The following TACR2 variants were observed in gnomAD, a reference collection of about 807,000 sequenced individuals.
TACR2 encodes tachykinin receptor 2, also known as substance-K receptor.
In TACR2, 24 loss-of-function variants were observed where a neutral mutation model predicts 28.9. The ratio of observed to expected loss-of-function variants is 0.83; its 90% CI spans 0.60 to 1.17. The LOEUF is 1.17. Ranked by LOEUF, TACR2 falls within the 50% of genes most tolerant of loss-of-function variation. TACR2 has a pLI of 0.00. For missense variants in TACR2, 487 were observed against 524.4 expected (o/e 0.93, Z 0.70); for synonymous variants, 222 against 212.6 (o/e 1.04, Z -0.38).
At chr10:69,409,553 C>T (rs1204180979) in intron 2 of TACR2, among the ~76,000 whole-genome samples, 1 of 152,022 alleles carries the variant, frequency 6.6e-6, no homozygotes, top group Non-Finnish European at 1.5e-5. Context: ...AGTAACCCCT[C>T]CCAACTGCGG....
At chr10:69,408,754 C>A (rs901669452) in intron 3 of TACR2, among the ~76,000 whole-genome samples, 168 bp downstream of exon 3, 1 of 151,926 alleles carries the variant, frequency 6.6e-6, no homozygotes, top group East Asian at 1.9e-4. Context: ...GCCTTGAGAC[C>A]GTAAGGGCGG....
At chr10:69,413,520 G>A (rs551305029) in intron 2 of TACR2, among the ~76,000 whole-genome samples, 1 of 152,208 alleles carries the variant, frequency 6.6e-6, no homozygotes, top group Admixed American at 6.5e-5. Flanking sequence ...TATGGATATC[G>A]CCCTCCGTGA....
At chr10:69,411,120 C>A (rs1840566339) in intron 2 of TACR2, among the ~76,000 whole-genome samples, 1 of 152,182 alleles carries the variant, frequency 6.6e-6, no homozygotes, top group African/African-American at 2.4e-5. Context: ...CGTCATTTGA[C>A]TTTTTCTTTC....
chr10:69,415,284 G>A (rs757177920), intron 1 of TACR2, 145 bp from the exon 2 acceptor site: 16 of 906,408 alleles, frequency 1.8e-5, no homozygotes, highest in East Asian at 2.7e-5. Context: ...AGTATCAGCC[G>A]ACCTGCAGAG....
chr10:69,404,794 A>ACAAT lies in TACR2; in HGVS notation c.*31_*32insATTG. Reference sequence around the variant, plus strand: ...CCCCAATACCCAAACACCTCCCACTAACCCCTACCTCCCAACACTGCCACA... The same window carrying ACAAT: ...CCCCAATACCCAAACACCTCCCACTACAATACCCCTACCTCCCAACACTGCCACA... On this transcript the variant is annotated 3_prime_UTR_variant, in exon 5 of 5. Transcript: ENST00000373306. 1 of 1,256,584 alleles carries ACAAT rather than the reference A, an allele frequency of 8.0e-7. No individual in the cohort carries two copies. The highest frequency in any genetic ancestry group is 1.1e-6 in the Non-Finnish European group (1 of 912,696). 77.8% of individuals were successfully genotyped at this position (1,256,584 alleles called of 1,614,324 possible). A position where few individuals can be genotyped will look rare whatever the true frequency, so the allele number is the denominator to read the frequency against.
intron 4 of TACR2, among the ~76,000 whole-genome samples, chr10:69,406,348 A>G (rs963629182): frequency 1.3e-5 from 2 of 150,494 alleles, no homozygotes; most frequent in Non-Finnish European, 3.0e-5. Flanking sequence ...CTGACTCACC[A>G]CCCCCCACCT....
chr10:69,407,637 T>A (rs1448842125), intron 3 of TACR2, among the ~76,000 whole-genome samples: 1 of 152,146 alleles, frequency 6.6e-6, no homozygotes, highest in Non-Finnish European at 1.5e-5. Flanking sequence ...ACCCCATCCC[T>A]GGGGGAGCCC....
In TACR2 at chr10:69,405,075, A is replaced by C. The variant is rs1177600886; in HGVS notation, c.948T>G (p.Ser316=). The C allele has an allele frequency of 3.1e-6, 5 of 1,613,592 alleles. No individual in the cohort carries two copies. The highest frequency in any genetic ancestry group is 4.2e-6 in the Non-Finnish European group (5 of 1,179,710). ...IYCCLNHRFR[S]GFRLAFRCCP... ...AGCAGCGGAAGGCAAGCCGGAATCCAGAGCGAAACCTGGGGGAGCGAGGGG... is the reference window on the plus strand; with the variant it reads ...AGCAGCGGAAGGCAAGCCGGAATCCCGAGCGAAACCTGGGGGAGCGAGGGG... Residue 316 remains serine (S), a synonymous_variant, in exon 5 of 5, where the codon TCT becomes TCG. Coordinates refer to ENST00000373306, the MANE Select transcript of TACR2 (RefSeq NM_001057.3).
rs148473982 is a variant in TACR2, at chr10:69,407,922, G to A, written c.742-642C>T. 5.2e-3 allele frequency among the ~76,000 whole-genome samples: 791 copies of A among 152,312 alleles called. 5 individuals carry two copies. The highest frequency in any genetic ancestry group is 0.018 in the African/African-American group (756 of 41,550). On this transcript the variant is annotated intron_variant, in intron 3 of 4. Coordinates refer to ENST00000373306, the MANE Select transcript of TACR2 (RefSeq NM_001057.3). ...AGACCCCTAGTGTGGAGCAGATGGA[G>A]GCCAGTGCTCCATGAGGGGCACCAG... is the stretch of plus-strand genomic sequence containing the variant.
intron 2 of TACR2, among the ~76,000 whole-genome samples, chr10:69,409,580 G>C (rs1348260496): frequency 6.6e-6 from 1 of 152,030 alleles, no homozygotes; most frequent in African/African-American, 2.4e-5. Context: ...AATAGGGGAG[G>C]AGAGTACAAC....
At position 69,404,754 on chromosome 10, in the gene TACR2, T is replaced by C. The variant is rs1468858398; in HGVS notation, c.*72A>G. 4 of 738,440 alleles carry C rather than the reference T, an allele frequency of 5.4e-6. No homozygotes were observed. In the East Asian group the frequency reaches 1.1e-4, roughly 20 times the overall value. The allele number at this position is 738,440 out of a possible 1,614,324, so 45.7% of individuals were successfully genotyped here. On this transcript the variant is annotated 3_prime_UTR_variant, in exon 5 of 5. Transcript: ENST00000373306. ...CTTCAACTGGAAGGCATTAATCTAT[T>C]CATAAGGGATCCATCCCCAATACCC...
chr10:69,406,238 A>G (rs1217510576), intron 4 of TACR2, among the ~76,000 whole-genome samples: 2 of 152,122 alleles, frequency 1.3e-5, no homozygotes, highest in African/African-American at 4.8e-5. Flanking sequence ...CACTGAGGTG[A>G]GACTGTGTCC....
Position 69,404,919 on chromosome 10 carries a change from A to G in TACR2, c.1104T>C (p.Ala368=). 1 of 1,614,134 alleles carries G rather than the reference A, an allele frequency of 6.2e-7. No individual in the cohort carries two copies. The highest frequency in any genetic ancestry group is 8.5e-7 in the Non-Finnish European group (1 of 1,179,974). The stretch of plus-strand genomic sequence containing the variant: ...GGGGACGCCCCGCCTCCCCACTGGT[A>G]GCCTCGGAGGGGGCTGTGTCCCCAG... ...FMAGDTAPSE[A]TSGEAGRPQD... Residue 368 remains alanine (A), a synonymous_variant, in exon 5 of 5, where the codon GCT becomes GCC. Coordinates refer to ENST00000373306, the MANE Select transcript of TACR2 (RefSeq NM_001057.3).
chr10:69,409,910 T>C (rs9702244), intron 2 of TACR2, among the ~76,000 whole-genome samples: 265 of 21,734 alleles, frequency 0.012, no homozygotes, highest in East Asian at 0.042. Context: ...TATACATATA[T>C]ATATATATAT....
chr10:69,409,910 T>TAC lies in TACR2; in HGVS notation c.588-836_588-835insGT, dbSNP rs1411082720. On this transcript the variant is annotated intron_variant, in intron 2 of 4. Transcript: ENST00000373306. Reference sequence around the variant, plus strand: ...ATATACATATATATATATACATATATATATATATATATATATATATATATA... The same window carrying TAC: ...ATATACATATATATATATACATATATACATATATATATATATATATATATATA... Among the ~76,000 whole-genome samples, 19 of 21,974 alleles carry TAC rather than the reference T, an allele frequency of 8.6e-4. No homozygotes were observed. In the East Asian group the frequency reaches 0.016, roughly 19 times the overall value. The allele number at this position is 21,974 out of a possible 152,430, so 14.4% of individuals were successfully genotyped here. A position where few individuals can be genotyped will look rare whatever the true frequency, so the allele number is the denominator to read the frequency against.
chr10:69,412,017 A>G (rs1840573183), intron 2 of TACR2, among the ~76,000 whole-genome samples: 1 of 152,178 alleles, frequency 6.6e-6, no homozygotes, highest in African/African-American at 2.4e-5. Flanking sequence ...TTTTTAGTAG[A>G]GACAGGGTTT....
rs1840618085 is a variant in TACR2, at chr10:69,416,240, C to T, written c.84G>A (p.Met28Ile). The T allele has an allele frequency of 6.2e-7, 1 of 1,613,794 alleles. No individual in the cohort carries two copies. Among genetic ancestry groups the T allele is most frequent in the African/African-American group, 1.3e-5 (1 of 74,922 alleles). The change falls in exon 1 of 5, where the codon ATG becomes ATA. Residue 28 changes from methionine to isoleucine, a missense_variant. Physicochemically the swap from Met to Ile is conservative, Grantham distance 10. Transcript: ENST00000373306. ...CCCACAGTGCCAGTTGCCAGCTGGG[C>T]ATGGAGAAGGCTGTGATGCCCGTGG... ...SNTTGITAFSMPSWQLALWAT... is the reference protein window; with the variant it reads ...SNTTGITAFSIPSWQLALWAT...
intron 2 of TACR2, among the ~76,000 whole-genome samples, chr10:69,411,399 T>A (rs1840568454): frequency 6.6e-6 from 1 of 152,240 alleles, no homozygotes; most frequent in African/African-American, 2.4e-5. Context: ...GATTTTACTC[T>A]GAAGCAAAAT....
Position 69,416,338 on chromosome 10 carries a change from C to CTGGAACAAAGGACCTGGAG in TACR2, c.-16_-15insCTCCAGGTCCTTTGTTCCA, listed in dbSNP as rs1840619367. The CTGGAACAAAGGACCTGGAG allele has an allele frequency of 8.3e-6, 13 of 1,568,736 alleles. No homozygotes were observed. Among genetic ancestry groups the CTGGAACAAAGGACCTGGAG allele is most frequent in the African/African-American group, 6.8e-5 (5 of 74,006 alleles). On this transcript the variant is annotated 5_prime_UTR_variant, in exon 1 of 5. Transcript: ENST00000373306. Reference sequence around the variant, plus strand: ...CAGGTCCCCATGGCTGCTTCTGGGTCTGGAACAAAGGACCTGGCTCCTCGG... The same window carrying CTGGAACAAAGGACCTGGAG: ...CAGGTCCCCATGGCTGCTTCTGGGTCTGGAACAAAGGACCTGGAGTGGAACAAAGGACCTGGCTCCTCGG...
Sources: gnomAD v4.1 joint callset for allele counts (sites outside exome capture counted in the v4.1 genomes callset) on GRCh38, gnomAD v4.1.1 for gene constraint, MANE v1.5 for transcripts, NCBI Gene and HGNC (gene_info 2026-07-23, HGNC 2026-07-21) for gene names.